Variants in PTPRQ observed in about 807,000 individuals in gnomAD.
PTPRQ encodes phosphatidylinositol phosphatase PTPRQ.
A neutral mutation model predicts 246.0 loss-of-function variants in PTPRQ; 199 were observed. That is an observed-to-expected ratio of 0.81 (90% CI 0.72 to 0.91). PTPRQ has a LOEUF of 0.91. Ranked by LOEUF, PTPRQ falls within the 40% of genes least tolerant of loss-of-function variation. PTPRQ has a pLI of 0.00. For synonymous variants in PTPRQ, 869 were observed against 853.2 expected, an observed-to-expected ratio of 1.02 and a Z score of -0.32; for missense variants, 2,624 against 2,528.4, an observed-to-expected ratio of 1.04 and a Z score of -0.81.
Position 80,495,095 on chromosome 12 carries a change from G to A in PTPRQ, c.1702+1G>A. The A allele has an allele frequency of 1.3e-6, 2 of 1,550,332 alleles. No homozygotes were observed. Among genetic ancestry groups the A allele is most frequent in the Non-Finnish European group, 8.7e-7 (1 of 1,146,136 alleles). Reference sequence around the variant, plus strand: ...CTCAGTGTTAGGACACGTCAGCAAGGTAAGGATGTATTTCCTTTGAAACAA... The same window carrying A: ...CTCAGTGTTAGGACACGTCAGCAAGATAAGGATGTATTTCCTTTGAAACAA... On this transcript the variant is annotated splice_donor_variant, in intron 11 of 44. Transcript: ENST00000644991. LOFTEE classifies it high-confidence loss of function.
In PTPRQ at chr12:80,546,598, G is replaced by A. The variant is rs1896314196; in HGVS notation, c.3916G>A (p.Glu1306Lys). Residue 1306 changes from glutamate to lysine, a missense_variant, in exon 24 of 45, where the codon GAA becomes AAA. Glu to Lys is a moderately conservative substitution (Grantham distance 56). Transcript: ENST00000644991. ...AACTGAAGCCAAACTTGTTGGACTG[G>A]AACCAGTCAGCACCTACTCTATCCG... ...FKTEAKLVGL[E>K]PVSTYSIRVS... is the part of the protein sequence containing the mutation. 1.3e-6 allele frequency: 2 copies of A among 1,550,080 alleles called. No individual in the cohort carries two copies. The highest frequency in any genetic ancestry group is 2.0e-5 in the Admixed American group (1 of 50,720).
chr12:80,447,181 T>C (rs1892580635), intron 3 of PTPRQ, among the ~76,000 whole-genome samples: 1 of 152,070 alleles, frequency 6.6e-6, no homozygotes, highest in African/African-American at 2.4e-5. Context: ...TTTTATATAC[T>C]TACTGGCCAC....
In PTPRQ at chr12:80,531,812, T is replaced by A. The variant is rs537898579; in HGVS notation, c.2679-2203T>A. Among the ~76,000 whole-genome samples, 4 of 152,268 alleles carry A rather than the reference T, an allele frequency of 2.6e-5. No individual in the cohort carries two copies. The South Asian group carries it at 8.3e-4, about 32-fold the overall frequency. ...AAATAAACCCTAAACAGATGAGGCA[T>A]CTGAAAAAAATTTTTTTAGCTTAAT... On this transcript the variant is annotated intron_variant, in intron 17 of 44. Coordinates refer to ENST00000644991, the MANE Select transcript of PTPRQ (RefSeq NM_001145026.2).
chr12:80,533,837 T>C (rs1895911010), intron 17 of PTPRQ, among the ~76,000 whole-genome samples, 178 bp from the exon 18 acceptor site: 1 of 152,040 alleles, frequency 6.6e-6, no homozygotes, highest in Non-Finnish European at 1.5e-5. Flanking sequence ...TAAGTTAATT[T>C]ACTAAAGAAT....
At chr12:80,645,561 C>A (rs369364826) in intron 35 of PTPRQ, among the ~76,000 whole-genome samples, 18 of 151,216 alleles carry the variant, frequency 1.2e-4, no homozygotes, top group South Asian at 6.3e-4. Flanking sequence ...AAGTGTTAAT[C>A]CTGCCCCAGC....
intron 26 of PTPRQ, among the ~76,000 whole-genome samples, chr12:80,603,551 T>C (rs1436738137): frequency 9.9e-5 from 15 of 151,654 alleles, no homozygotes; most frequent in Admixed American, 9.9e-4. Context: ...TTTTGTACCA[T>C]GAATCCCTTT....
intron 9 of PTPRQ, among the ~76,000 whole-genome samples, chr12:80,489,643 G>A (rs1894383937): frequency 6.6e-6 from 1 of 151,850 alleles, no homozygotes; most frequent in Non-Finnish European, 1.5e-5. Flanking sequence ...ACAATATTCT[G>A]TATGGAGTTT....
chr12:80,484,669 G>A (rs912229625), intron 9 of PTPRQ, 64 bp downstream of exon 9: 1 of 1,514,942 alleles, frequency 6.6e-7, no homozygotes. Context: ...CTGATAGCTT[G>A]GAAGATTTGC....
At chr12:80,453,264 C>T (rs945377461) in intron 3 of PTPRQ, among the ~76,000 whole-genome samples, 7 of 152,212 alleles carry the variant, frequency 4.6e-5, no homozygotes, top group South Asian at 2.1e-4. Context: ...GTTATACATT[C>T]GTCTACATTT....
chr12:80,533,033 T>G (rs1351152496), intron 17 of PTPRQ, among the ~76,000 whole-genome samples: 1 of 152,200 alleles, frequency 6.6e-6, no homozygotes, highest in Non-Finnish European at 1.5e-5. Context: ...TTCATTTACT[T>G]CTTCAGTGCT....
chr12:80,673,768 C>T (rs1187596063), intron 43 of PTPRQ, among the ~76,000 whole-genome samples: 4 of 152,044 alleles, frequency 2.6e-5, no homozygotes, highest in Non-Finnish European at 4.4e-5. Context: ...ATTATTGTAG[C>T]ACGCTATCAA....
chr12:80,642,957 T>A (rs900255522), intron 35 of PTPRQ, among the ~76,000 whole-genome samples: 1 of 146,024 alleles, frequency 6.8e-6, no homozygotes, highest in East Asian at 2.1e-4. Flanking sequence ...CAATTGAGTA[T>A]CTCTCAAGTG....
chr12:80,495,092 A>G lies in PTPRQ; in HGVS notation c.1700A>G (p.Gln567Arg). ...PTVLSVRTRQQVPSSIKIINY... is the reference protein window; with the variant it reads ...PTVLSVRTRQRVPSSIKIINY... ...GTTCTCAGTGTTAGGACACGTCAGCAAGGTAAGGATGTATTTCCTTTGAAA... is the reference window on the plus strand; with the variant it reads ...GTTCTCAGTGTTAGGACACGTCAGCGAGGTAAGGATGTATTTCCTTTGAAA... Residue 567 changes from glutamine (Q) to arginine (R), a missense_variant and splice_region_variant, in exon 11 of 45, where the codon CAA becomes CGA. Coordinates refer to ENST00000644991, the MANE Select transcript of PTPRQ (RefSeq NM_001145026.2). 3.2e-6 allele frequency: 5 copies of G among 1,550,478 alleles called. No homozygotes were observed. The highest frequency in any genetic ancestry group is 4.4e-6 in the Non-Finnish European group (5 of 1,146,190).
At position 80,549,642 on chromosome 12, in the gene PTPRQ, C is replaced by A; in HGVS notation, c.4193C>A (p.Ala1398Asp). 4 of 1,551,146 alleles carry A rather than the reference C, an allele frequency of 2.6e-6. No individual in the cohort carries two copies. The highest frequency in any genetic ancestry group is 3.5e-6 in the Non-Finnish European group (4 of 1,146,572). ...DHMYTFIKLL[A>D]NTSYVFKVRA... The stretch of plus-strand genomic sequence containing the variant: ...ATGTACACTTTCATAAAGCTTCTTG[C>A]CAATACCTCATATGTCTTTAAAGTA... The change falls in exon 25 of 45, where the codon GCC (alanine) becomes GAC (aspartate). Residue 1398 changes from alanine to aspartate, a missense_variant. Ala to Asp is a moderately radical substitution (Grantham distance 126, BLOSUM62 -2). Transcript: ENST00000644991.
chr12:80,552,601 G>C (rs1300404013), intron 25 of PTPRQ, among the ~76,000 whole-genome samples: 2 of 125,968 alleles, frequency 1.6e-5, no homozygotes, highest in African/African-American at 3.0e-5. Flanking sequence ...ACCTGATGTA[G>C]AGCCACCTAA....
At chr12:80,546,510 A>G (rs747040380) in intron 23 of PTPRQ, 46 bp from the exon 24 acceptor site, 15 of 1,508,258 alleles carry the variant, frequency 9.9e-6, no homozygotes, top group East Asian at 2.5e-5. Flanking sequence ...TTGATGAACA[A>G]TTTTTTGACA....
rs1378490155 is a variant in PTPRQ, at chr12:80,472,091, T to C, written c.1040-14T>C. The C allele has an allele frequency of 6.4e-7, 1 of 1,550,956 alleles. No homozygotes were observed. Among genetic ancestry groups the C allele is most frequent in the Non-Finnish European group, 8.7e-7 (1 of 1,146,754 alleles). On this transcript the variant is annotated splice_polypyrimidine_tract_variant and intron_variant, in intron 7 of 44. Coordinates refer to ENST00000644991, the MANE Select transcript of PTPRQ (RefSeq NM_001145026.2). ...GATAAAAAATAATCCATAGCTATCT[T>C]CCACTTTTTGCAGGTCGCATTTTGG...
chr12:80,660,862 T>C (rs1442864203), intron 39 of PTPRQ, among the ~76,000 whole-genome samples: 2 of 152,026 alleles, frequency 1.3e-5, no homozygotes, highest in Non-Finnish European at 2.9e-5. Context: ...CTTTGATCCC[T>C]CCAAACTTTG....
At chr12:80,547,594 T>C (rs376197083) in intron 24 of PTPRQ, among the ~76,000 whole-genome samples, 1 of 152,250 alleles carries the variant, frequency 6.6e-6, no homozygotes, top group African/African-American at 2.4e-5. Flanking sequence ...GCATTTATAA[T>C]GGATAAAAGT....
Sources: gnomAD v4.1 joint callset for allele counts (sites outside exome capture counted in the v4.1 genomes callset) on GRCh38, gnomAD v4.1.1 for gene constraint, MANE v1.5 for transcripts, NCBI Gene and HGNC (gene_info 2026-07-23, HGNC 2026-07-21) for gene names.